ENAM: variants seen among roughly 807,000 people sequenced by gnomAD.
The protein encoded by ENAM is enamelin.
ENAM carries 21 observed loss-of-function variants against 33.6 expected under a neutral mutation model. The observed-to-expected ratio is 0.63, with a 90% CI of 0.44 to 0.90. The LOEUF (loss-of-function observed/expected upper bound fraction) is 0.90, where lower values mean the gene tolerates loss of function less well. ENAM is among the 40% of genes least tolerant of loss of function. The probability of loss-of-function intolerance (pLI) is 0.00; values close to 1 mark genes in which losing one functional copy is unlikely to be tolerated. For missense variants in ENAM, 1,388 were observed against 1,366.9 expected (o/e 1.02, Z -0.24); for synonymous variants, 473 against 468.4 (o/e 1.01, Z -0.13).
intron 5 of ENAM, among the ~76,000 whole-genome samples, chr4:70,633,123 A>T (rs1482097703): frequency 2.6e-5 from 4 of 152,120 alleles, no homozygotes; most frequent in Non-Finnish European, 5.9e-5. Context: ...AATATAGGTT[A>T]TTCTTGTCAC....
At chr4:70,637,918 T>C in intron 8 of ENAM, 75 bp downstream of exon 8, 1 of 1,094,558 alleles carries the variant, frequency 9.1e-7, no homozygotes, top group Non-Finnish European at 1.4e-6. Flanking sequence ...CCACATCTAA[T>C]AAGAAAGTTA....
intron 7 of ENAM, among the ~76,000 whole-genome samples, chr4:70,636,597 C>A (rs546113077): frequency 6.6e-6 from 1 of 152,014 alleles, no homozygotes; most frequent in Admixed American, 6.6e-5. Context: ...GGTGAAACCC[C>A]GTCTCTACTA....
Position 70,644,836 on chromosome 4 carries a change from G to T in ENAM, c.3410G>T (p.Cys1137Phe). The T allele has an allele frequency of 6.2e-7, 1 of 1,613,790 alleles. No individual in the cohort carries two copies. The highest frequency in any genetic ancestry group is 8.5e-7 in the Non-Finnish European group (1 of 1,179,676). Residue 1137 changes from cysteine to phenylalanine, a missense_variant, in exon 9 of 9, where the codon TGC (cysteine) becomes TTC (phenylalanine). Transcript: ENST00000396073. Reference protein sequence around the residue: ...GTNVQDQVQDCLLLQA With the variant: ...GTNVQDQVQDFLLLQA Reference sequence around the variant, plus strand: ...AATGTACAGGACCAGGTACAAGACTGCTTACTACTTCAGGCCTAGGGGTTA... The same window carrying T: ...AATGTACAGGACCAGGTACAAGACTTCTTACTACTTCAGGCCTAGGGGTTA...
chr4:70,637,648 A>C, intron 7 of ENAM, 142 bp from the exon 8 acceptor site: 2 of 742,276 alleles, frequency 2.7e-6, no homozygotes, highest in Admixed American at 3.8e-5. Flanking sequence ...GTGAGAGCTA[A>C]TAACTCAAAC....
chr4:70,638,671 A>T (rs1413582408), intron 8 of ENAM, among the ~76,000 whole-genome samples: 1 of 151,428 alleles, frequency 6.6e-6, no homozygotes, highest in Admixed American at 6.6e-5. Flanking sequence ...TTCATCTCCC[A>T]CAGTCTATTA....
intron 2 of ENAM, among the ~76,000 whole-genome samples, chr4:70,629,995 A>T (rs1405877122): frequency 6.6e-6 from 1 of 152,176 alleles, no homozygotes; most frequent in Non-Finnish European, 1.5e-5. Flanking sequence ...TCTTAGAAAC[A>T]TTTAGCAAAG....
intron 8 of ENAM, among the ~76,000 whole-genome samples, chr4:70,638,773 C>G (rs939730180): frequency 3.3e-5 from 5 of 150,374 alleles, no homozygotes; most frequent in Non-Finnish European, 5.9e-5. Flanking sequence ...AATTTCTTAT[C>G]TTTCTTTTCT....
In ENAM at chr4:70,643,473, G is replaced by A; in HGVS notation, c.2047G>A (p.Val683Ile). The part of the protein sequence containing the change: ...EELSFKGGPT[V>I]RHYEGEQYTS... Reference sequence around the variant, plus strand: ...GTTGAGCTTCAAAGGAGGCCCAACAGTTAGGCACTATGAAGGTGAACAATA... The same window carrying A: ...GTTGAGCTTCAAAGGAGGCCCAACAATTAGGCACTATGAAGGTGAACAATA... The change falls in exon 9 of 9, where the codon GTT becomes ATT. Residue 683 changes from valine to isoleucine, a missense_variant. Physicochemically the swap from Val to Ile is conservative, Grantham distance 29. Transcript: ENST00000396073. 1 of 1,614,152 alleles carries A rather than the reference G, an allele frequency of 6.2e-7. No individual in the cohort carries two copies. The highest frequency in any genetic ancestry group is 8.5e-7 in the Non-Finnish European group (1 of 1,180,004).
chr4:70,637,434 C>T (rs985609582), intron 7 of ENAM, among the ~76,000 whole-genome samples: 1 of 152,088 alleles, frequency 6.6e-6, no homozygotes, highest in Non-Finnish European at 1.5e-5. Flanking sequence ...ATTTCTCTCT[C>T]TCACCCTCTC....
intron 1 of ENAM, among the ~76,000 whole-genome samples, 180 bp downstream of exon 1, chr4:70,629,144 T>G (rs1738245928): frequency 6.6e-6 from 1 of 152,170 alleles, no homozygotes; most frequent in African/African-American, 2.4e-5. Context: ...TTTGTTTTTC[T>G]TGTAAGTTTT....
intron 8 of ENAM, among the ~76,000 whole-genome samples, chr4:70,638,449 CTTTTTT>C (rs766513652): frequency 1.7e-5 from 1 of 58,902 alleles, no homozygotes; most frequent in Non-Finnish European, 3.2e-5. Context: ...ACAGATTGTT[CTTTTTT>C]TTTTTTTTTT....
chr4:70,629,308 C>T (rs1560399056), intron 1 of ENAM, 133 bp from the exon 2 acceptor site: 2 of 603,626 alleles, frequency 3.3e-6, no homozygotes, highest in Non-Finnish European at 6.0e-6. Flanking sequence ...TTTAAAGCAA[C>T]AGAAGATTAA....
chr4:70,637,563 A>C (rs1477509413), intron 7 of ENAM: 3 of 556,914 alleles, frequency 5.4e-6, no homozygotes, highest in Non-Finnish European at 6.5e-6. Flanking sequence ...TTTAAGTAGG[A>C]TAATCTAGGA....
chr4:70,637,193 A>G (rs1738472145), intron 7 of ENAM, among the ~76,000 whole-genome samples: 1 of 152,248 alleles, frequency 6.6e-6, no homozygotes, highest in South Asian at 2.1e-4. Flanking sequence ...TCTCATGCTG[A>G]AGTAACTATT....
In ENAM at chr4:70,638,856, G is replaced by A. The variant is rs112973987; in HGVS notation, c.588+1013G>A. Among the ~76,000 whole-genome samples, 1,280 of 149,166 alleles carry A rather than the reference G, an allele frequency of 8.6e-3. 12 individuals are homozygous for A. The highest frequency in any genetic ancestry group is 0.029 in the African/African-American group (1,174 of 40,558). On this transcript the variant is annotated intron_variant, in intron 8 of 8. Coordinates refer to ENST00000396073, the MANE Select transcript of ENAM (RefSeq NM_031889.3). ...CATCCAGGCTGGAGTGCAGTGGCACGATCTCGGCTCACTGCAACCTCCACC... is the reference window on the plus strand; with the variant it reads ...CATCCAGGCTGGAGTGCAGTGGCACAATCTCGGCTCACTGCAACCTCCACC...
rs752119015 is a variant in ENAM at position 70,631,856 on chromosome 4, T to A, written c.131T>A (p.Met44Lys). 6.2e-7 allele frequency: 1 copy of A among 1,613,994 alleles called. No individual in the cohort carries two copies. The highest frequency in any genetic ancestry group is 8.5e-7 in the Non-Finnish European group (1 of 1,179,966). Residue 44 changes from methionine to lysine, a missense_variant, in exon 4 of 9, where the codon ATG (methionine) becomes AAG (lysine). Met to Lys is a moderately conservative substitution (Grantham distance 95). Coordinates refer to ENST00000396073, the MANE Select transcript of ENAM (RefSeq NM_031889.3). Reference sequence around the variant, plus strand: ...ACATTCTCTTACTTCCAGATGCACATGCCCCGAATGCCTGGATTTAGCAGT... The same window carrying A: ...ACATTCTCTTACTTCCAGATGCACAAGCCCCGAATGCCTGGATTTAGCAGT... Reference protein sequence around the residue: ...LGNSVAMPMHMPRMPGFSSKS... With the variant: ...LGNSVAMPMHKPRMPGFSSKS...
chr4:70,635,989 C>T, intron 7 of ENAM, 95 bp downstream of exon 7: 1 of 660,446 alleles, frequency 1.5e-6, no homozygotes, highest in Non-Finnish European at 2.6e-6. Context: ...TAATGGAATA[C>T]CATATACCAA....
rs1163853747 is a variant in ENAM, at chr4:70,644,155, A to G, written c.2729A>G (p.Tyr910Cys). The G allele has an allele frequency of 1.2e-6, 2 of 1,614,124 alleles. No homozygotes were observed. The highest frequency in any genetic ancestry group is 8.5e-7 in the Non-Finnish European group (1 of 1,180,002). Residue 910 changes from tyrosine to cysteine, a missense_variant, in exon 9 of 9, where the codon TAT (tyrosine) becomes TGT (cysteine). Tyr to Cys is a radical substitution (Grantham distance 194). Coordinates refer to ENST00000396073, the MANE Select transcript of ENAM (RefSeq NM_031889.3). ...GAGAACCAAGACACCAGTCCTCTGT[A>G]TACAGACGGTAGTCATACCAAGCAG... ...PGENQDTSPL[Y>C]TDGSHTKQTR...
At chr4:70,635,397 C>T (rs1439976174) in intron 6 of ENAM, among the ~76,000 whole-genome samples, 3 of 152,002 alleles carry the variant, frequency 2.0e-5, no homozygotes, top group Non-Finnish European at 2.9e-5. Context: ...AAAGAAAATA[C>T]TGGCTTTTGG....
Sources: gnomAD v4.1 joint callset for allele counts (sites outside exome capture counted in the v4.1 genomes callset) on GRCh38, gnomAD v4.1.1 for gene constraint, MANE v1.5 for transcripts, NCBI Gene and HGNC (gene_info 2026-07-23, HGNC 2026-07-21) for gene names.